Variants in ESRRG observed in about 807,000 individuals in gnomAD.
ESRRG encodes the protein estrogen-related receptor gamma.
ESRRG carries 13 observed loss-of-function variants against 44.0 expected under a neutral mutation model. That is an observed-to-expected ratio of 0.30 (90% CI 0.19 to 0.47). ESRRG has a LOEUF of 0.47. Among genes scored for constraint, ESRRG ranks in the 20% least tolerant of loss-of-function variants. The pLI, the probability that ESRRG is intolerant of heterozygous loss-of-function variation, is 1.00. For missense variants in ESRRG, 395 were observed against 580.6 expected (o/e 0.68, Z 3.29); for synonymous variants, 215 against 214.6 (o/e 1.00, Z -0.02).
chr1:216,602,626 G>C (rs1465821533), intron 3 of ESRRG, among the ~76,000 whole-genome samples: 1 of 152,148 alleles, frequency 6.6e-6, no homozygotes, highest in African/African-American at 2.4e-5. Context: ...TGGTGATTGT[G>C]CAGCGGAGAG....
intron 2 of ESRRG, among the ~76,000 whole-genome samples, chr1:216,889,225 A>T (rs1398933786): frequency 6.6e-6 from 1 of 152,200 alleles, no homozygotes; most frequent in East Asian, 1.9e-4. Context: ...ACACTGAGAG[A>T]TCCAGCAGGG....
chr1:216,992,791 G>C (rs1222864993), intron 1 of ESRRG, among the ~76,000 whole-genome samples: 1 of 152,104 alleles, frequency 6.6e-6, no homozygotes, highest in South Asian at 2.1e-4. Flanking sequence ...TATTATCAAA[G>C]AATATGATGA....
At chr1:216,726,135 A>C (rs2087469923), upstream of ESRRG, among the ~76,000 whole-genome samples, 1 of 152,064 alleles carries the variant, frequency 6.6e-6, no homozygotes, top group Non-Finnish European at 1.5e-5. Context: ...TGTCATCCCC[A>C]CTGATTTTTC....
intron 3 of ESRRG, among the ~76,000 whole-genome samples, chr1:216,592,319 T>C (rs1323843109): frequency 6.6e-6 from 1 of 152,156 alleles, no homozygotes; most frequent in Non-Finnish European, 1.5e-5. Flanking sequence ...TCACACTCTC[T>C]TTTCTTTTAT....
At chr1:216,941,151 G>C (rs557838261) in intron 1 of ESRRG, among the ~76,000 whole-genome samples, 6 of 152,218 alleles carry the variant, frequency 3.9e-5, no homozygotes, top group Admixed American at 2.6e-4. Flanking sequence ...GTGAAGATAA[G>C]AGCCTGTTAA....
chr1:216,606,943 T>A (rs1223265959), intron 3 of ESRRG, among the ~76,000 whole-genome samples: 1 of 152,182 alleles, frequency 6.6e-6, no homozygotes, highest in African/African-American at 2.4e-5. Flanking sequence ...TTCATCTGGT[T>A]AACAGAGAAA....
chr1:216,956,637 C>T (rs933976297), intron 1 of ESRRG, among the ~76,000 whole-genome samples: 11 of 152,210 alleles, frequency 7.2e-5, no homozygotes, highest in African/African-American at 2.6e-4. Flanking sequence ...ATTTGAATCT[C>T]TTAAAATGCC....
chr1:217,015,045 A>G (rs2079138550), intron 1 of ESRRG, among the ~76,000 whole-genome samples: 1 of 152,182 alleles, frequency 6.6e-6, no homozygotes, highest in South Asian at 2.1e-4. Context: ...CTCTGAAAAT[A>G]AAGAAGATCA....
rs148697527 is a variant in ESRRG, at chr1:216,532,577, T to C, written c.863-13156A>G. Reference sequence around the variant, plus strand: ...GCCGCAATGACTATTTTGTTTCCATTAAAGAATGACAAGTGTTTTACAGGC... The same window carrying C: ...GCCGCAATGACTATTTTGTTTCCATCAAAGAATGACAAGTGTTTTACAGGC... On this transcript the variant is annotated intron_variant, in intron 5 of 6. Coordinates refer to ENST00000408911, the MANE Select transcript of ESRRG (RefSeq NM_001438.4). 6.4e-3 allele frequency among the ~76,000 whole-genome samples: 971 copies of C among 152,310 alleles called. 5 individuals are homozygous for C. The highest frequency in any genetic ancestry group is 0.01 in the Middle Eastern group (3 of 294).
chr1:217,116,060 G>A (rs1464818620), intron 1 of ESRRG, among the ~76,000 whole-genome samples: 1 of 152,180 alleles, frequency 6.6e-6, no homozygotes, highest in Non-Finnish European at 1.5e-5. Flanking sequence ...GAAGAAAGGA[G>A]GGAAAACAAT....
chr1:217,080,671 GTTTTTTTTTTTTTT>G (rs34598045), intron 1 of ESRRG, among the ~76,000 whole-genome samples: 1 of 65,246 alleles, frequency 1.5e-5, no homozygotes, highest in Non-Finnish European at 2.8e-5. Context: ...TGTTTTTTTG[GTTTTTTTTTTTTTT>G]TTTTTTTTTT....
chr1:216,785,655 C>A (rs569990450), intron 2 of ESRRG, among the ~76,000 whole-genome samples: 1 of 151,890 alleles, frequency 6.6e-6, no homozygotes, highest in Non-Finnish European at 1.5e-5. Flanking sequence ...CTGCATTCTC[C>A]GCAAGAGAAG....
At chr1:216,795,057 C>A (rs961609352) in intron 2 of ESRRG, among the ~76,000 whole-genome samples, 1 of 151,936 alleles carries the variant, frequency 6.6e-6, no homozygotes, top group African/African-American at 2.4e-5. Context: ...TGGGGTGGTA[C>A]AAAAAAGGGC....
chr1:217,014,362 C>T (rs557066428), intron 1 of ESRRG, among the ~76,000 whole-genome samples: 6 of 151,928 alleles, frequency 3.9e-5, no homozygotes, highest in Non-Finnish European at 8.8e-5. Flanking sequence ...TATAAGTGCC[C>T]CAGAATTAAT....
rs34245595 is a variant in ESRRG, at chr1:216,541,561, A to AGTGTGTGTGT, written c.863-22150_863-22141dup. On this transcript the variant is annotated intron_variant, in intron 5 of 6. Coordinates refer to ENST00000408911, the MANE Select transcript of ESRRG (RefSeq NM_001438.4). ...GCTCAGCTATTTGAGTCTTTTGGTT[A>AGTGTGTGTGT]GTGTGTGTGTGTGTGTGTGTGTGTG... 8.8e-3 allele frequency among the ~76,000 whole-genome samples: 1,141 copies of AGTGTGTGTGT among 130,384 alleles called. 5 individuals carry two copies. The highest frequency in any genetic ancestry group is 0.012 in the African/African-American group (414 of 34,976). 85.5% of individuals were successfully genotyped at this position (130,384 alleles called of 152,430 possible).
chr1:216,971,192 A>G (rs1014647273), intron 1 of ESRRG, among the ~76,000 whole-genome samples: 1 of 152,246 alleles, frequency 6.6e-6, no homozygotes, highest in Non-Finnish European at 1.5e-5. Context: ...TCCTTACAAC[A>G]GTTTAAAGAG....
At chr1:217,047,114 C>T (rs1454790152) in intron 1 of ESRRG, among the ~76,000 whole-genome samples, 2 of 151,696 alleles carry the variant, frequency 1.3e-5, no homozygotes, top group Admixed American at 6.6e-5. Context: ...TAAGCCTGTG[C>T]CTACCATGAA....
intron 5 of ESRRG, among the ~76,000 whole-genome samples, chr1:216,529,974 T>G (rs1489264339): frequency 6.6e-6 from 1 of 151,858 alleles, no homozygotes; most frequent in Non-Finnish European, 1.5e-5. Flanking sequence ...TAGCTGGGCA[T>G]AGTGGCATGG....
chr1:216,591,832 G>T (rs1038782314), intron 3 of ESRRG, among the ~76,000 whole-genome samples: 1 of 152,080 alleles, frequency 6.6e-6, no homozygotes, highest in Non-Finnish European at 1.5e-5. Context: ...GAATCCATCG[G>T]TCTACCTTGA....
Sources: gnomAD v4.1 joint callset for allele counts (sites outside exome capture counted in the v4.1 genomes callset) on GRCh38, gnomAD v4.1.1 for gene constraint, MANE v1.5 for transcripts, NCBI Gene and HGNC (gene_info 2026-07-23, HGNC 2026-07-21) for gene names.